The following LRIT3 variants were observed in gnomAD, a reference collection of about 807,000 sequenced individuals.
LRIT3 encodes leucine rich repeat, Ig-like and transmembrane domains 3.
LRIT3 carries 14 observed loss-of-function variants against 22.6 expected under a neutral mutation model. The ratio of observed to expected loss-of-function variants is 0.62; its 90% CI spans 0.41 to 0.97. The LOEUF is 0.97. LRIT3 is among the 50% of genes least tolerant of loss of function. LRIT3 has a pLI of 0.00. For synonymous variants in LRIT3, 306 were observed against 304.5 expected (o/e 1.01, Z -0.05); for missense variants, 783 against 803.0 (o/e 0.98, Z 0.30).
In LRIT3 at chr4:109,867,761, G is replaced by C. The variant is rs150750727; in HGVS notation, c.710G>C (p.Arg237Pro). ...DPLMTCSEPERLTGILFQRAE... is the reference protein window; with the variant it reads ...DPLMTCSEPEPLTGILFQRAE... The stretch of plus-strand genomic sequence containing the variant: ...CTGATGACTTGCAGTGAACCTGAGC[G>C]CCTCACAGGAATTTTGTTTCAGCGG... The change falls in exon 3 of 4, where the codon CGC (arginine) becomes CCC (proline). Residue 237 changes from arginine to proline, a missense_variant. By Grantham distance (103) the Arg-to-Pro change is moderately radical (BLOSUM62 -2). Transcript: ENST00000594814. 5.6e-6 allele frequency: 9 copies of C among 1,613,996 alleles called. No homozygotes were observed. In the Admixed American group the frequency reaches 6.7e-5, roughly 12 times the overall value.
rs1410540091 is a variant in LRIT3 at position 109,870,091 on chromosome 4, G to A, written c.1342G>A (p.Gly448Arg). 8.1e-6 allele frequency: 13 copies of A among 1,614,134 alleles called. No homozygotes were observed. The highest frequency in any genetic ancestry group is 1.1e-5 in the South Asian group (1 of 91,068). ...GCGATCATTCCAGCTCCACCAAGGT[G>A]GGAAAAGAAATTTAAAGGTGGCAAA... ...NKRSFQLHQG[G>R]KRNLKVAKNG... Residue 448 changes from glycine (G) to arginine (R), a missense_variant, in exon 4 of 4, where the codon GGG becomes AGG. Gly to Arg is a moderately radical substitution (Grantham distance 125). Transcript: ENST00000594814.
In LRIT3 at chr4:109,869,638, C is replaced by T; in HGVS notation, c.896-7C>T. The T allele has an allele frequency of 1.3e-6, 2 of 1,530,072 alleles. No homozygotes were observed. Among genetic ancestry groups the T allele is most frequent in the East Asian group, 2.3e-5 (1 of 44,260 alleles). The allele number at this position is 1,530,072 out of a possible 1,614,324, so 94.8% of individuals were successfully genotyped here. ...TCCTCACAGACTATACATTTGTTTT[C>T]TTCCAGTAATACAAGAATCTCCAGA... On this transcript the variant is annotated splice_region_variant and splice_polypyrimidine_tract_variant and intron_variant, in intron 3 of 3. Coordinates refer to ENST00000594814, the MANE Select transcript of LRIT3 (RefSeq NM_198506.5).
rs1734201210 is a variant in LRIT3, at chr4:109,850,415, CTTCCTTCCTTTCTTTCT to C, written c.117-1085_117-1069del. ...CCTTCCTTCCTTCCTTCCTTCCTTC[CTTCCTTCCTTTCTTTCT>C]TTCTTTCTTTCTTTCTTTCTTTCTT... On this transcript the variant is annotated intron_variant, in intron 1 of 3. Transcript: ENST00000594814. Among the ~76,000 whole-genome samples, 94 of 17,690 alleles carry C rather than the reference CTTCCTTCCTTTCTTTCT, an allele frequency of 5.3e-3. 4 individuals are homozygous for C. Among genetic ancestry groups the C allele is most frequent in the African/African-American group, 0.014 (71 of 4,912 alleles). The allele number at this position is 17,690 out of a possible 152,430, so 11.6% of individuals were successfully genotyped here.
At chr4:109,856,988 C>A (rs933402559) in intron 2 of LRIT3, among the ~76,000 whole-genome samples, 1 of 151,974 alleles carries the variant, frequency 6.6e-6, no homozygotes, top group Non-Finnish European at 1.5e-5. Flanking sequence ...TTAATAACAT[C>A]GATAGAAGAG....
At chr4:109,858,653 G>A (rs10007135) in intron 2 of LRIT3, among the ~76,000 whole-genome samples, 1 of 152,034 alleles carries the variant, frequency 6.6e-6, no homozygotes, top group Non-Finnish European at 1.5e-5. Context: ...AATGTTTTTC[G>A]ACAGCAGTAA....
intron 2 of LRIT3, among the ~76,000 whole-genome samples, chr4:109,866,497 A>AT (rs1232587383): frequency 2.0e-5 from 3 of 152,192 alleles, no homozygotes; most frequent in East Asian, 3.8e-4. Flanking sequence ...ATAAGAAACA[A>AT]TTTTTTAATT....
chr4:109,868,145 T>C (rs1255621821), intron 3 of LRIT3, among the ~76,000 whole-genome samples, 199 bp downstream of exon 3: 2 of 152,166 alleles, frequency 1.3e-5, no homozygotes, highest in Non-Finnish European at 2.9e-5. Flanking sequence ...AATTAAACAA[T>C]CTAAACTCTT....
chr4:109,858,341 G>A (rs1266338408), intron 2 of LRIT3, among the ~76,000 whole-genome samples: 2 of 152,110 alleles, frequency 1.3e-5, no homozygotes, highest in Non-Finnish European at 2.9e-5. Flanking sequence ...ATGGCTGACT[G>A]GATTGTCTGT....
intron 2 of LRIT3, among the ~76,000 whole-genome samples, chr4:109,852,484 A>G (rs1024391734): frequency 6.6e-6 from 1 of 152,174 alleles, no homozygotes. Context: ...AACACCAGTT[A>G]TTTTACTGGC....
chr4:109,865,698 A>G (rs1416454278), intron 2 of LRIT3, among the ~76,000 whole-genome samples: 2 of 152,220 alleles, frequency 1.3e-5, no homozygotes, highest in Non-Finnish European at 2.9e-5. Flanking sequence ...TGAATAAACC[A>G]TTGTTCAAAG....
intron 2 of LRIT3, 75 bp downstream of exon 2, chr4:109,852,051 A>G (rs1307212867): frequency 4.4e-6 from 6 of 1,368,236 alleles, no homozygotes; most frequent in Non-Finnish European, 5.9e-6. Context: ...CAGTCTTTTA[A>G]AATTTGTTGG....
chr4:109,863,234 G>A (rs946357849), intron 2 of LRIT3, among the ~76,000 whole-genome samples: 13 of 152,096 alleles, frequency 8.5e-5, no homozygotes, highest in African/African-American at 2.7e-4. Flanking sequence ...GCATAACATG[G>A]CGGTTAAGAG....
At chr4:109,862,721 A>G (rs2125899836) in intron 2 of LRIT3, among the ~76,000 whole-genome samples, 1 of 152,314 alleles carries the variant, frequency 6.6e-6, no homozygotes, top group South Asian at 2.1e-4. Context: ...TTATTTTGAA[A>G]GAGTATCTCA....
At chr4:109,862,866 G>A (rs528232565) in intron 2 of LRIT3, among the ~76,000 whole-genome samples, 5 of 152,114 alleles carry the variant, frequency 3.3e-5, no homozygotes, top group Non-Finnish European at 5.9e-5. Context: ...TTGTATTTTT[G>A]TATTTTTTGT....
rs1253858891 is a variant in LRIT3, at chr4:109,872,173, C to G, written c.*1384C>G. 2 of 152,100 alleles carry G rather than the reference C, an allele frequency of 1.3e-5. No homozygotes were observed. The highest frequency in any genetic ancestry group is 4.8e-5 in the African/African-American group (2 of 41,354). The allele number at this position is 152,100 out of a possible 1,614,324, so 9.4% of individuals were successfully genotyped here. On this transcript the variant is annotated 3_prime_UTR_variant, in exon 4 of 4. Transcript: ENST00000594814. ...ATGTATAAGAAATGGGAAAGATCTCCCAAACTCTGAGAACGGTCCTCAAAT... is the reference window on the plus strand; with the variant it reads ...ATGTATAAGAAATGGGAAAGATCTCGCAAACTCTGAGAACGGTCCTCAAAT...
rs1734274200 is a variant in LRIT3, at chr4:109,851,685, A to G, written c.298A>G (p.Ser100Gly). 3 of 1,551,738 alleles carry G rather than the reference A, an allele frequency of 1.9e-6. No homozygotes were observed. In the East Asian group the frequency reaches 7.3e-5, roughly 38 times the overall value. The change falls in exon 2 of 4, where the codon AGC becomes GGC. Residue 100 changes from serine to glycine, a missense_variant. By Grantham distance (56) the Ser-to-Gly change is moderately conservative. Around this residue, in one of 2 missense-constraint regions of LRIT3, gnomAD observed 756 missense variants for 753.8 expected, o/e 1.00. Coordinates refer to ENST00000594814, the MANE Select transcript of LRIT3 (RefSeq NM_198506.5). ...TTCCGTGGCCAGCATTGACCCCAGC[A>G]GCTTTTACAACCTGAAGCAACTGCA... The part of the protein sequence containing the change: ...YNSVASIDPS[S>G]FYNLKQLHEL...
At chr4:109,850,870 C>G (rs1734236709) in intron 1 of LRIT3, among the ~76,000 whole-genome samples, 1 of 152,146 alleles carries the variant, frequency 6.6e-6, no homozygotes, top group Non-Finnish European at 1.5e-5. Flanking sequence ...CTCCTAATTT[C>G]TGGTTTATTC....
chr4:109,851,911 G>A lies in LRIT3; in HGVS notation c.524G>A (p.Ser175Asn), dbSNP rs4698797. 949,585 of 1,550,998 alleles carry A rather than the reference G, an allele frequency of 0.61. 295,763 individuals are homozygous for A. Among genetic ancestry groups the A allele is most frequent in the Non-Finnish European group, 0.65 (741,771 of 1,146,646 alleles). ...ACATTGCCACCAGATTTCCTGGAGA[G>A]CTGGACTCATTTAGTTTCAACACCT... ...LTTLPPDFLE[S>N]WTHLVSTPSG... Residue 175 changes from serine to asparagine, a missense_variant, in exon 2 of 4, where the codon AGC (serine) becomes AAC (asparagine). By Grantham distance (46) the Ser-to-Asn change is conservative (BLOSUM62 1). Coordinates refer to ENST00000594814, the MANE Select transcript of LRIT3 (RefSeq NM_198506.5).
Position 109,851,762 on chromosome 4 carries a change from G to T in LRIT3, c.375G>T (p.Leu125=). The change falls in exon 2 of 4, where the codon CTG becomes CTT. Residue 125 remains leucine, a synonymous_variant. Transcript: ENST00000594814. ...NSLAAFPWAS[L]LDMPLLRTLD... ...TGGCTGCTTTCCCTTGGGCATCTCTGCTGGACATGCCCCTTCTGAGGACCC... is the reference window on the plus strand; with the variant it reads ...TGGCTGCTTTCCCTTGGGCATCTCTTCTGGACATGCCCCTTCTGAGGACCC... 2 of 1,551,722 alleles carry T rather than the reference G, an allele frequency of 1.3e-6. No individual in the cohort carries two copies. The highest frequency in any genetic ancestry group is 2.4e-5 in the South Asian group (2 of 84,060).
Sources: allele counts gnomAD v4.1 joint callset (sites outside exome capture counted in the v4.1 genomes callset), GRCh38; gene constraint gnomAD v4.1.1; regional missense constraint gnomAD v4.1.1; transcripts MANE v1.5; gene names NCBI Gene and HGNC (gene_info 2026-07-23, HGNC 2026-07-21).